CHRNB3: variants seen among roughly 807,000 people sequenced by gnomAD.
CHRNB3 encodes neuronal acetylcholine receptor subunit beta-3.
In CHRNB3, 37 loss-of-function variants were observed where a neutral mutation model predicts 40.6. The ratio of observed to expected loss-of-function variants is 0.91; its 90% CI spans 0.70 to 1.20. The LOEUF is 1.20. CHRNB3 is among the 50% of genes most tolerant of loss of function. The pLI, the probability that CHRNB3 is intolerant of heterozygous loss-of-function variation, is 0.00. For missense variants in CHRNB3, 505 were observed against 551.2 expected, an observed-to-expected ratio of 0.92 and a Z score of 0.84; for synonymous variants, 207 against 207.1, an observed-to-expected ratio of 1.00 and a Z score of 0.00.
intron 3 of CHRNB3, among the ~76,000 whole-genome samples, chr8:42,710,991 T>C (rs1238302356): frequency 6.6e-6 from 1 of 152,202 alleles, no homozygotes; most frequent in African/African-American, 2.4e-5. Context: ...TGAAAATGCA[T>C]TTTGAATCGT....
intron 3 of CHRNB3, 116 bp downstream of exon 3, chr8:42,710,550 T>G (rs1815997854): frequency 1.2e-6 from 1 of 820,350 alleles, no homozygotes; most frequent in Non-Finnish European, 1.9e-6. Flanking sequence ...TCAGGGAGAT[T>G]TGTGGGAAGG....
Position 42,703,435 on chromosome 8 carries a change from A to AAAAAAAAAAAAATATATATAT in CHRNB3, c.53-5281_53-5280insAAAAAAAAAAATATATATATA. ...CAAGACTTCGTCTAAAAAAAAAAAA[A>AAAAAAAAAAAAATATATATAT]ATATTTATATATATATATATATATA... On this transcript the variant is annotated intron_variant, in intron 1 of 5. Transcript: ENST00000289957. Among the ~76,000 whole-genome samples, 5 of 47,412 alleles carry AAAAAAAAAAAAATATATATAT rather than the reference A, an allele frequency of 1.1e-4. 1 individual carries two copies. The highest frequency in any genetic ancestry group is 1.9e-4 in the African/African-American group (3 of 16,134). 31.1% of individuals were successfully genotyped at this position (47,412 alleles called of 152,430 possible). A position where few individuals can be genotyped will look rare whatever the true frequency, so the allele number is the denominator to read the frequency against.
intron 3 of CHRNB3, among the ~76,000 whole-genome samples, chr8:42,724,642 A>G (rs1409196618): frequency 1.3e-5 from 2 of 152,074 alleles, no homozygotes; most frequent in East Asian, 1.9e-4. Flanking sequence ...TCCTTCCTCC[A>G]TGGAATGTGC....
intron 1 of CHRNB3, among the ~76,000 whole-genome samples, chr8:42,703,435 A>AAATATATATAT: frequency 2.1e-5 from 1 of 47,412 alleles, no homozygotes; most frequent in Admixed American, 2.3e-4. Context: ...AAAAAAAAAA[A>AAATATATATAT]ATATTTATAT....
At chr8:42,719,065 G>T (rs1034887293) in intron 3 of CHRNB3, among the ~76,000 whole-genome samples, 3 of 152,140 alleles carry the variant, frequency 2.0e-5, no homozygotes, top group Non-Finnish European at 2.9e-5. Flanking sequence ...ATCTCAGCTA[G>T]AACACACTAT....
chr8:42,717,617 A>G (rs1461490885), intron 3 of CHRNB3, among the ~76,000 whole-genome samples: 1 of 151,534 alleles, frequency 6.6e-6, no homozygotes, highest in Non-Finnish European at 1.5e-5. Context: ...GGACCCTGGT[A>G]AGAATTGCGT....
chr8:42,697,478 C>G lies in CHRNB3; in HGVS notation c.-69C>G, dbSNP rs1815696008. On this transcript the variant is annotated 5_prime_UTR_variant, in exon 1 of 6. Coordinates refer to ENST00000289957, the MANE Select transcript of CHRNB3 (RefSeq NM_000749.5). ...GAACCCCTGTATTTTCTTTTCAAAA[C>G]CCCCTTTTCCAGTGGAAATGCTCTG... 1.4e-6 allele frequency: 2 copies of G among 1,383,372 alleles called. No homozygotes were observed. The highest frequency in any genetic ancestry group is 2.3e-5 in the South Asian group (2 of 85,542). The allele number at this position is 1,383,372 out of a possible 1,614,324, so 85.7% of individuals were successfully genotyped here. A position where few individuals can be genotyped will look rare whatever the true frequency, so the allele number is the denominator to read the frequency against.
At chr8:42,717,682 C>T (rs1450838817) in intron 3 of CHRNB3, among the ~76,000 whole-genome samples, 2 of 151,844 alleles carry the variant, frequency 1.3e-5, no homozygotes, top group Admixed American at 1.3e-4. Flanking sequence ...CCTCTCTGAC[C>T]CTCAGTCTCT....
intron 4 of CHRNB3, among the ~76,000 whole-genome samples, 189 bp downstream of exon 4, chr8:42,730,892 CA>C (rs1816402164): frequency 6.9e-6 from 1 of 145,782 alleles, no homozygotes; most frequent in Non-Finnish European, 1.5e-5. Flanking sequence ...ACTAAAAATA[CA>C]AAAAATTAGC....
chr8:42,718,237 TC>T (rs1420608360), intron 3 of CHRNB3, among the ~76,000 whole-genome samples: 1 of 152,100 alleles, frequency 6.6e-6, no homozygotes, highest in African/African-American at 2.4e-5. Context: ...TTAATATGAA[TC>T]AACAAGAATT....
chr8:42,728,377 G>A (rs184813556), intron 3 of CHRNB3, among the ~76,000 whole-genome samples: 1 of 152,108 alleles, frequency 6.6e-6, no homozygotes, highest in African/African-American at 2.4e-5. Flanking sequence ...AAAACAATTA[G>A]CCGGGTGTGG....
At chr8:42,716,653 G>A (rs1327344157) in intron 3 of CHRNB3, among the ~76,000 whole-genome samples, 2 of 152,094 alleles carry the variant, frequency 1.3e-5, no homozygotes, top group African/African-American at 4.8e-5. Context: ...GGAAAGGGGT[G>A]GTAACTTCCG....
At chr8:42,724,683 A>G (rs1359009790) in intron 3 of CHRNB3, among the ~76,000 whole-genome samples, 1 of 152,106 alleles carries the variant, frequency 6.6e-6, no homozygotes, top group Admixed American at 6.6e-5. Context: ...GCCAATGTAG[A>G]AAACGCTGGA....
intron 2 of CHRNB3, among the ~76,000 whole-genome samples, 181 bp downstream of exon 2, chr8:42,709,049 G>C (rs1467796252): frequency 6.6e-6 from 1 of 152,160 alleles, no homozygotes; most frequent in Non-Finnish European, 1.5e-5. Flanking sequence ...AGTTGTCACA[G>C]GGTAAATTTT....
chr8:42,729,002 T>C lies in CHRNB3; in HGVS notation c.250-1592T>C, dbSNP rs1816354595. 2.6e-5 allele frequency among the ~76,000 whole-genome samples: 4 copies of C among 151,990 alleles called. No individual in the cohort carries two copies. The South Asian group carries it at 6.2e-4, about 24-fold the overall frequency. Reference sequence around the variant, plus strand: ...AGGAGATTATATTTGTTCTTCGAAATTGGAAGAGGAGGAAGAAAAAAAGAG... The same window carrying C: ...AGGAGATTATATTTGTTCTTCGAAACTGGAAGAGGAGGAAGAAAAAAAGAG... On this transcript the variant is annotated intron_variant, in intron 3 of 5. Coordinates refer to ENST00000289957, the MANE Select transcript of CHRNB3 (RefSeq NM_000749.5).
At chr8:42,735,654 C>A (rs2128909260) in intron 5 of CHRNB3, among the ~76,000 whole-genome samples, 1 of 152,252 alleles carries the variant, frequency 6.6e-6, no homozygotes, top group East Asian at 1.9e-4. Context: ...TTCAGACTTC[C>A]CCAGCCAGTC....
intron 1 of CHRNB3, among the ~76,000 whole-genome samples, chr8:42,703,375 G>A (rs1183737970): frequency 7.0e-6 from 1 of 143,656 alleles, no homozygotes; most frequent in Non-Finnish European, 1.5e-5. Context: ...CGTGAGCCAA[G>A]ATCATGCCAC....
intron 1 of CHRNB3, among the ~76,000 whole-genome samples, chr8:42,701,948 A>C (rs1172567809): frequency 6.6e-6 from 1 of 152,160 alleles, no homozygotes; most frequent in Non-Finnish European, 1.5e-5. Context: ...TCCTTTTCTT[A>C]TTGGGAGATG....
rs992914847 is a variant in CHRNB3 at position 42,736,721 on chromosome 8, G to A, written c.*103G>A. On this transcript the variant is annotated 3_prime_UTR_variant, in exon 6 of 6. Coordinates refer to ENST00000289957, the MANE Select transcript of CHRNB3 (RefSeq NM_000749.5). ...TGCTTGTTCTACGAACCCCGAATGC[G>A]TTGTCTTTGTGGAAATGGAACATCT... is the stretch of plus-strand genomic sequence containing the variant. 24 of 1,350,244 alleles carry A rather than the reference G, an allele frequency of 1.8e-5. No individual in the cohort carries two copies. The highest frequency in any genetic ancestry group is 2.0e-4 in the Middle Eastern group (1 of 5,116). The allele number at this position is 1,350,244 out of a possible 1,614,324, so 83.6% of individuals were successfully genotyped here. A position where few individuals can be genotyped will look rare whatever the true frequency, so the allele number is the denominator to read the frequency against.
Sources: gnomAD v4.1 joint callset for allele counts (sites outside exome capture counted in the v4.1 genomes callset) on GRCh38, gnomAD v4.1.1 for gene constraint, MANE v1.5 for transcripts, NCBI Gene and HGNC (gene_info 2026-07-23, HGNC 2026-07-21) for gene names.